The following PPP3R1 variants were observed in gnomAD, a reference collection of about 807,000 sequenced individuals.
The protein encoded by PPP3R1 is calcineurin subunit B type 1.
In PPP3R1, 5 loss-of-function variants were observed where a neutral mutation model predicts 22.6. The ratio of observed to expected loss-of-function variants is 0.22; its 90% CI spans 0.12 to 0.46. The LOEUF is 0.46. Ranked by LOEUF, PPP3R1 falls within the 20% of genes least tolerant of loss-of-function variation. The probability of loss-of-function intolerance (pLI) is 0.99; values close to 1 mark genes in which losing one functional copy is unlikely to be tolerated. For missense variants in PPP3R1, 61 were observed against 203.2 expected (o/e 0.30, Z 4.25); for synonymous variants, 56 against 65.2 (o/e 0.86, Z 0.68).
Position 68,218,293 on chromosome 2 carries a change from C to T in PPP3R1, c.4-1162G>A, listed in dbSNP as rs151172714. ...ACTGGCTGGCTTTTAAACTCCTCAA[C>T]GTACCTTTAATCTTATGTAAACTTA... On this transcript the variant is annotated intron_variant, in intron 1 of 5. Coordinates refer to ENST00000234310, the MANE Select transcript of PPP3R1 (RefSeq NM_000945.4). Among the ~76,000 whole-genome samples the T allele has an allele frequency of 2.6e-3, 402 of 152,156 alleles. 4 individuals are homozygous for T. The highest frequency in any genetic ancestry group is 9.2e-3 in the African/African-American group (380 of 41,528).
chr2:68,183,689 C>A (rs1373377265), intron 5 of PPP3R1, among the ~76,000 whole-genome samples: 2 of 152,126 alleles, frequency 1.3e-5, no homozygotes, highest in Non-Finnish European at 2.9e-5. Flanking sequence ...TGACAGGTTT[C>A]AGTTTTCCTT....
chr2:68,250,639 T>A (rs975639301), intron 1 of PPP3R1, among the ~76,000 whole-genome samples: 1 of 152,226 alleles, frequency 6.6e-6, no homozygotes, highest in Non-Finnish European at 1.5e-5. Flanking sequence ...TCTTCCTAAA[T>A]TGTTTTGTGA....
chr2:68,236,332 G>C (rs1305452034), intron 1 of PPP3R1, among the ~76,000 whole-genome samples: 2 of 152,188 alleles, frequency 1.3e-5, no homozygotes, highest in Non-Finnish European at 2.9e-5. Context: ...TACAATGGCA[G>C]AGTTGAAATG....
chr2:68,205,740 G>A (rs949692156), intron 2 of PPP3R1, among the ~76,000 whole-genome samples: 7 of 152,140 alleles, frequency 4.6e-5, no homozygotes, highest in Admixed American at 1.3e-4. Context: ...AGCAGTGTCC[G>A]TGGAGTTATA....
chr2:68,181,910 T>C (rs184059404), intron 5 of PPP3R1, among the ~76,000 whole-genome samples: 229 of 152,218 alleles, frequency 1.5e-3, no homozygotes, highest in African/African-American at 5.2e-3. Flanking sequence ...AATGTGTAAG[T>C]GTAGTATCTG....
intron 2 of PPP3R1, among the ~76,000 whole-genome samples, chr2:68,210,332 T>C (rs1295165380): frequency 3.3e-5 from 5 of 152,210 alleles, no homozygotes; most frequent in South Asian, 2.1e-4. Context: ...TGTAATTTTC[T>C]TTAAGTTCTC....
chr2:68,225,870 C>G (rs995126971), intron 1 of PPP3R1, among the ~76,000 whole-genome samples: 8 of 152,198 alleles, frequency 5.3e-5, no homozygotes, highest in African/African-American at 1.9e-4. Flanking sequence ...ACACAGAAAT[C>G]TGTACTCACA....
At chr2:68,225,908 T>C (rs1028925708) in intron 1 of PPP3R1, among the ~76,000 whole-genome samples, 1 of 152,218 alleles carries the variant, frequency 6.6e-6, no homozygotes, top group Non-Finnish European at 1.5e-5. Context: ...TTCAGCTTTA[T>C]TCTTAATAGA....
chr2:68,180,806 CACTT>C lies in PPP3R1; in HGVS notation c.*153_*156del, dbSNP rs1409303179. On this transcript the variant is annotated 3_prime_UTR_variant, in exon 6 of 6. Coordinates refer to ENST00000234310, the MANE Select transcript of PPP3R1 (RefSeq NM_000945.4). ...TATTGAGAGAATTACAGTTCAATAA[CACTT>C]AGTTGGCTTCATGAGGCTCATGTTG... is the stretch of plus-strand genomic sequence containing the variant. 51 of 682,828 alleles carry C rather than the reference CACTT, an allele frequency of 7.5e-5. No homozygotes were observed. Among genetic ancestry groups the C allele is most frequent in the African/African-American group, 7.2e-5 (4 of 55,566 alleles). The allele number at this position is 682,828 out of a possible 1,614,324, so 42.3% of individuals were successfully genotyped here.
rs1261965465 is a variant in PPP3R1 at position 68,252,409 on chromosome 2, G to A, written c.-282C>T. On this transcript the variant is annotated 5_prime_UTR_variant, in exon 1 of 6. Transcript: ENST00000234310. ...GGCGAGAGGCAGGAGAGGCAGAGAA[G>A]AAGAAAGGAGGGGGAGAGGGGGCGA... 1 of 999,232 alleles carries A rather than the reference G, an allele frequency of 1.0e-6. No individual in the cohort carries two copies. The highest frequency in any genetic ancestry group is 1.2e-6 in the Non-Finnish European group (1 of 840,154). 61.9% of individuals were successfully genotyped at this position (999,232 alleles called of 1,614,324 possible).
intron 1 of PPP3R1, among the ~76,000 whole-genome samples, chr2:68,224,859 A>T (rs1360672157): frequency 1.3e-5 from 2 of 151,948 alleles, no homozygotes; most frequent in East Asian, 1.9e-4. Context: ...TATGCAATTT[A>T]AAAAAAATGA....
chr2:68,195,432 C>T (rs1674748098), intron 2 of PPP3R1, among the ~76,000 whole-genome samples: 1 of 152,116 alleles, frequency 6.6e-6, no homozygotes, highest in African/African-American at 2.4e-5. Context: ...TAACTTTGAT[C>T]ACTTGGCCAA....
At chr2:68,241,947 T>C (rs1670145758) in intron 1 of PPP3R1, among the ~76,000 whole-genome samples, 1 of 151,792 alleles carries the variant, frequency 6.6e-6, no homozygotes, top group Non-Finnish European at 1.5e-5. Flanking sequence ...TCTGCCACAA[T>C]GGATACATTC....
rs1048754649 is a variant in PPP3R1, at chr2:68,215,343, C to T, written c.43+1749G>A. Among the ~76,000 whole-genome samples, 13 of 152,112 alleles carry T rather than the reference C, an allele frequency of 8.5e-5. No individual in the cohort carries two copies. In the Middle Eastern group the frequency reaches 0.014, roughly 159 times the overall value. ...CCAAAACCCCCCCCAAAATTCAAAACCCAAAACATTTCTGGTCTCAAGATT... is the reference window on the plus strand; with the variant it reads ...CCAAAACCCCCCCCAAAATTCAAAATCCAAAACATTTCTGGTCTCAAGATT... On this transcript the variant is annotated intron_variant, in intron 2 of 5. Coordinates refer to ENST00000234310, the MANE Select transcript of PPP3R1 (RefSeq NM_000945.4).
At chr2:68,187,178 T>C (rs1674563207) in intron 4 of PPP3R1, 77 bp downstream of exon 4, 6 of 1,190,262 alleles carry the variant, frequency 5.0e-6, no homozygotes, top group South Asian at 1.5e-5. Flanking sequence ...TTTTTCATTA[T>C]TTTAAAAAGC....
intron 2 of PPP3R1, among the ~76,000 whole-genome samples, chr2:68,201,360 A>G (rs996954620): frequency 1.3e-5 from 2 of 152,192 alleles, no homozygotes; most frequent in African/African-American, 4.8e-5. Flanking sequence ...GCTCCTCCAA[A>G]GCTTAATGTG....
At chr2:68,207,839 C>T (rs1572961738) in intron 2 of PPP3R1, among the ~76,000 whole-genome samples, 1 of 152,182 alleles carries the variant, frequency 6.6e-6, no homozygotes, top group Non-Finnish European at 1.5e-5. Flanking sequence ...GAGTGGAACT[C>T]TTTCAATTCT....
rs552071816 is a variant in PPP3R1 at position 68,211,364 on chromosome 2, G to A, written c.43+5728C>T. On this transcript the variant is annotated intron_variant, in intron 2 of 5. Coordinates refer to ENST00000234310, the MANE Select transcript of PPP3R1 (RefSeq NM_000945.4). ...GGAGCTTGCAGTGAGCCAAGATTGC[G>A]CCACTGCACTCCAGCCTGGGCGACT... is the stretch of plus-strand genomic sequence containing the variant. 2.5e-4 allele frequency among the ~76,000 whole-genome samples: 33 copies of A among 130,522 alleles called. No individual in the cohort carries two copies. The East Asian group carries it at 7.8e-3, about 31-fold the overall frequency. The allele number at this position is 130,522 out of a possible 152,430, so 85.6% of individuals were successfully genotyped here. A position where few individuals can be genotyped will look rare whatever the true frequency, so the allele number is the denominator to read the frequency against.
At chr2:68,233,888 A>G (rs1669965656) in intron 1 of PPP3R1, among the ~76,000 whole-genome samples, 2 of 152,240 alleles carry the variant, frequency 1.3e-5, no homozygotes, top group African/African-American at 4.8e-5. Context: ...GTTAAAAGTT[A>G]ACTCTGTGAC....
Sources: allele counts gnomAD v4.1 joint callset (sites outside exome capture counted in the v4.1 genomes callset), GRCh38; gene constraint gnomAD v4.1.1; transcripts MANE v1.5; gene names NCBI Gene and HGNC (gene_info 2026-07-23, HGNC 2026-07-21).